The following PTPRD variants were observed in gnomAD, a reference collection of about 807,000 sequenced individuals.
PTPRD encodes the protein protein tyrosine phosphatase receptor type D.
In PTPRD, 34 loss-of-function variants were observed where a neutral mutation model predicts 214.5. The ratio of observed to expected loss-of-function variants is 0.16; its 90% CI spans 0.12 to 0.21. The LOEUF (loss-of-function observed/expected upper bound fraction) is 0.21. PTPRD is among the 10% of genes least tolerant of loss of function. The pLI is 1.00. For missense variants in PTPRD, 2,545 were observed against 2,398.7 expected, an observed-to-expected ratio of 1.06 and a Z score of -1.27; for synonymous variants, 1,128 against 845.7, an observed-to-expected ratio of 1.33 and a Z score of -5.79.
chr9:8,376,959 G>A (rs1011853253), intron 37 of PTPRD, among the ~76,000 whole-genome samples: 26 of 152,094 alleles, frequency 1.7e-4, no homozygotes, highest in Non-Finnish European at 2.9e-5. Context: ...AATTTTCCTG[G>A]AGAAAAATAA....
chr9:9,860,255 A>G (rs576466109), intron 5 of PTPRD, among the ~76,000 whole-genome samples: 1 of 152,356 alleles, frequency 6.6e-6, no homozygotes, highest in South Asian at 2.1e-4. Flanking sequence ...AACACAAATG[A>G]TGGAAAAGAA....
At chr9:9,585,213 GT>G (rs2091719718) in intron 7 of PTPRD, among the ~76,000 whole-genome samples, 1 of 152,004 alleles carries the variant, frequency 6.6e-6, no homozygotes, top group African/African-American at 2.4e-5. Flanking sequence ...TTTACAGCAT[GT>G]TTATCTCAGT....
intron 7 of PTPRD, among the ~76,000 whole-genome samples, chr9:9,640,921 T>TA (rs1381963895): frequency 6.6e-6 from 1 of 152,250 alleles, no homozygotes; most frequent in Admixed American, 6.5e-5. Context: ...TTAAATTGAA[T>TA]GATCTGGTCA....
chr9:8,729,181 CAG>C (rs1230008129), intron 12 of PTPRD, among the ~76,000 whole-genome samples: 7 of 152,210 alleles, frequency 4.6e-5, no homozygotes, highest in African/African-American at 1.7e-4. Context: ...ACCGTACAAA[CAG>C]AGGAAACGCC....
At position 8,485,936 on chromosome 9, in the gene PTPRD, T is replaced by C. The variant is rs2096994748; in HGVS notation, c.2881A>G (p.Ile961Val). Residue 961 changes from isoleucine to valine, a missense_variant, in exon 28 of 46, where the codon ATC (isoleucine) becomes GTC (valine). Transcript: ENST00000381196. ...ITKYTLLYRD[I>V]NIPLLPMEQL... ...TCCATCGGGAGAAGGGGGATGTTGA[T>C]ATCCCTATAAAGAAGGGTATACTTG... 1.2e-6 allele frequency: 2 copies of C among 1,614,084 alleles called. No individual in the cohort carries two copies. Among genetic ancestry groups the C allele is most frequent in the Non-Finnish European group, 1.7e-6 (2 of 1,180,050 alleles).
intron 9 of PTPRD, among the ~76,000 whole-genome samples, chr9:9,254,550 C>A (rs1210355816): frequency 6.6e-6 from 1 of 151,936 alleles, no homozygotes; most frequent in Non-Finnish European, 1.5e-5. Context: ...CTCTTTCATT[C>A]TTGACATAAA....
At chr9:8,685,343 C>G (rs2097657138) in intron 12 of PTPRD, among the ~76,000 whole-genome samples, 1 of 151,386 alleles carries the variant, frequency 6.6e-6, no homozygotes, top group African/African-American at 2.4e-5. Flanking sequence ...TTTACAAATA[C>G]TGTCAGAATT....
Position 8,341,069 on chromosome 9 carries a change from C to T in PTPRD, c.5126+21G>A, listed in dbSNP as rs200310749. 40 of 1,561,638 alleles carry T rather than the reference C, an allele frequency of 2.6e-5. No homozygotes were observed. The East Asian group carries it at 8.7e-4, about 34-fold the overall frequency. ...TGTAAATATCAAGGCTTTGGATAGT[C>T]AGGGGAGCAAAAGTAGATACCTGTA... On this transcript the variant is annotated intron_variant, in intron 41 of 45. Transcript: ENST00000381196.
At chr9:8,973,531 T>G (rs889616596) in intron 11 of PTPRD, among the ~76,000 whole-genome samples, 1 of 152,060 alleles carries the variant, frequency 6.6e-6, no homozygotes, top group African/African-American at 2.4e-5. Context: ...AACATATGAG[T>G]GCATGTGTCT....
intron 25 of PTPRD, 62 bp from the exon 26 acceptor site, chr9:8,497,330 T>C (rs2097298987): frequency 1.4e-6 from 2 of 1,407,082 alleles, no homozygotes; most frequent in Non-Finnish European, 1.9e-6. Context: ...TTTAAAGCCT[T>C]ATACAGGCAG....
At chr9:9,784,174 A>C (rs1186092437) in intron 5 of PTPRD, among the ~76,000 whole-genome samples, 2 of 152,134 alleles carry the variant, frequency 1.3e-5, no homozygotes, top group East Asian at 3.8e-4. Context: ...TTATTCTTTG[A>C]CATATAATGC....
At chr9:9,950,649 C>A (rs1230235492) in intron 4 of PTPRD, among the ~76,000 whole-genome samples, 4 of 44,052 alleles carry the variant, frequency 9.1e-5, no homozygotes, top group Non-Finnish European at 1.3e-4. Flanking sequence ...GCGTGAACCC[C>A]AGGGGGCGGA....
At chr9:9,030,345 T>A (rs1336128394) in intron 10 of PTPRD, among the ~76,000 whole-genome samples, 1 of 139,848 alleles carries the variant, frequency 7.2e-6, no homozygotes, top group Admixed American at 7.8e-5. Context: ...CACTAGTAAG[T>A]ATACCTATCA....
intron 12 of PTPRD, among the ~76,000 whole-genome samples, chr9:8,661,941 TTCATTCATTCAC>T (rs1219859811): frequency 6.6e-6 from 1 of 152,184 alleles, no homozygotes; most frequent in African/African-American, 2.4e-5. Context: ...TACCCATTCA[TTCATTCATTCAC>T]TCATTCATTC....
At chr9:10,295,002 T>C (rs747867309) in intron 3 of PTPRD, among the ~76,000 whole-genome samples, 7 of 151,992 alleles carry the variant, frequency 4.6e-5, no homozygotes, top group Non-Finnish European at 7.4e-5. Flanking sequence ...TTTTTCTCAA[T>C]ACAGTTATGG....
At position 8,997,429 on chromosome 9, in the gene PTPRD, G is replaced by A. The variant is rs527916787; in HGVS notation, c.-104+21268C>T. 5.3e-5 allele frequency among the ~76,000 whole-genome samples: 8 copies of A among 152,080 alleles called. No homozygotes were observed. In the East Asian group the frequency reaches 7.8e-4, roughly 15 times the overall value. On this transcript the variant is annotated intron_variant, in intron 11 of 45. Transcript: ENST00000381196. ...TATTAGCATATCTGTTATAGTCTGC[G>A]ATCACTGATCTCTGATGTTACTCTT...
At position 8,404,739 on chromosome 9, in the gene PTPRD, A is replaced by C. The variant is rs546625668; in HGVS notation, c.4087-79T>G. ...TTATAGGCATTTATCACATGTAATA[A>C]ACATGATTTAAAAGGAAAATTCTGA... On this transcript the variant is annotated intron_variant, in intron 35 of 45. Transcript: ENST00000381196. The C allele has an allele frequency of 1.7e-3, 2,474 of 1,465,012 alleles. 6 individuals are homozygous for C. The highest frequency in any genetic ancestry group is 1.9e-3 in the Non-Finnish European group (2,128 of 1,096,192). 90.8% of individuals were successfully genotyped at this position (1,465,012 alleles called of 1,614,324 possible).
intron 18 of PTPRD, 132 bp from the exon 19 acceptor site, chr9:8,523,656 G>C: frequency 4.4e-6 from 4 of 918,610 alleles, no homozygotes; most frequent in Non-Finnish European, 6.7e-6. Context: ...ATTCGCTCTA[G>C]TTCATCCTTC....
chr9:10,249,716 A>T (rs548361004), intron 3 of PTPRD, among the ~76,000 whole-genome samples: 2 of 152,310 alleles, frequency 1.3e-5, no homozygotes, highest in Admixed American at 1.3e-4. Flanking sequence ...CTACAATTAG[A>T]CAATATATTA....
Sources: gnomAD v4.1 joint callset for allele counts (sites outside exome capture counted in the v4.1 genomes callset) on GRCh38, gnomAD v4.1.1 for gene constraint, MANE v1.5 for transcripts, NCBI Gene and HGNC (gene_info 2026-07-23, HGNC 2026-07-21) for gene names.